The following PRRC2C variants were observed in gnomAD, a reference collection of about 807,000 sequenced individuals.
PRRC2C encodes the protein proline rich coiled-coil 2C, also known as protein PRRC2C.
A neutral mutation model predicts 317.2 loss-of-function variants in PRRC2C; 72 were observed. The ratio of observed to expected loss-of-function variants is 0.23; its 90% CI spans 0.19 to 0.28. The LOEUF (loss-of-function observed/expected upper bound fraction) is 0.28. Among genes scored for constraint, PRRC2C ranks in the 10% least tolerant of loss-of-function variants. The pLI is 1.00. For missense variants in PRRC2C, 3,074 were observed against 3,459.7 expected (o/e 0.89, Z 2.80); for synonymous variants, 1,296 against 1,205.9 (o/e 1.07, Z -1.55).
Position 171,557,589 on chromosome 1 carries a change from C to T in PRRC2C, c.5477C>T (p.Ser1826Leu). The T allele has an allele frequency of 6.4e-7, 1 of 1,551,716 alleles. No homozygotes were observed. The change falls in exon 19 of 35, where the codon TCA (serine) becomes TTA (leucine). Residue 1826 changes from serine to leucine, a missense_variant. By Grantham distance (145) the Ser-to-Leu change is moderately radical (BLOSUM62 -2). Transcript: ENST00000647382. ...TCAGCTTCAGTTCCAGCCTCTACTTCAGCTGCAGCTATAACCTCTTCTTCA... is the reference window on the plus strand; with the variant it reads ...TCAGCTTCAGTTCCAGCCTCTACTTTAGCTGCAGCTATAACCTCTTCTTCA... Reference protein sequence around the residue: ...SVSASVPASTSAAAITSSSAP... With the variant: ...SVSASVPASTLAAAITSSSAP...
At chr1:171,500,849 A>C (rs984496474) in intron 1 of PRRC2C, among the ~76,000 whole-genome samples, 2 of 152,084 alleles carry the variant, frequency 1.3e-5, no homozygotes, top group East Asian at 1.9e-4. Flanking sequence ...AAACTGTTAC[A>C]AGGTAATATT....
At chr1:171,491,429 A>G (rs1259547429) in intron 1 of PRRC2C, among the ~76,000 whole-genome samples, 1 of 152,172 alleles carries the variant, frequency 6.6e-6, no homozygotes, top group African/African-American at 2.4e-5. Context: ...CTGTGCCTCC[A>G]CTTCTCTCTC....
intron 31 of PRRC2C, 78 bp from the exon 32 acceptor site, chr1:171,587,570 C>A: frequency 1.0e-6 from 1 of 980,184 alleles, no homozygotes; most frequent in Non-Finnish European, 1.5e-6. Context: ...ATTACGTCTT[C>A]ACGTATAGGA....
chr1:171,554,788 C>T (rs1026640780), intron 18 of PRRC2C, among the ~76,000 whole-genome samples: 3 of 152,140 alleles, frequency 2.0e-5, no homozygotes, highest in African/African-American at 7.2e-5. Flanking sequence ...TGAATATTGG[C>T]CCCCACTCTC....
At chr1:171,554,820 C>T (rs1019503340) in intron 18 of PRRC2C, among the ~76,000 whole-genome samples, 4 of 152,210 alleles carry the variant, frequency 2.6e-5, no homozygotes, top group African/African-American at 4.8e-5. Flanking sequence ...AGAGTTTCTG[C>T]CGAGAGATCA....
intron 1 of PRRC2C, among the ~76,000 whole-genome samples, chr1:171,509,110 C>T (rs748685980): frequency 1.9e-4 from 29 of 152,204 alleles, no homozygotes; most frequent in South Asian, 1.2e-3. Flanking sequence ...TGGTCTCGAT[C>T]TCCTGACCTC....
intron 25 of PRRC2C, among the ~76,000 whole-genome samples, chr1:171,576,370 C>T (rs1685696687): frequency 6.6e-6 from 1 of 152,154 alleles, no homozygotes; most frequent in African/African-American, 2.4e-5. Context: ...GCCCTTATTG[C>T]CTAGTCATCC....
chr1:171,551,162 A>G (rs529688270), intron 18 of PRRC2C, among the ~76,000 whole-genome samples: 3 of 152,272 alleles, frequency 2.0e-5, no homozygotes, highest in East Asian at 1.9e-4. Context: ...TTGCCATTCT[A>G]ACTGGTGTGA....
chr1:171,527,716 A>G, intron 10 of PRRC2C, 75 bp from the exon 11 acceptor site: 2 of 1,265,208 alleles, frequency 1.6e-6, no homozygotes, highest in Non-Finnish European at 2.2e-6. Flanking sequence ...AGATCATGCC[A>G]CTGCACTCCA....
At position 171,551,070 on chromosome 1, in the gene PRRC2C, T is replaced by C. The variant is rs146495926; in HGVS notation, c.5127+830T>C. 4.4e-3 allele frequency among the ~76,000 whole-genome samples: 669 copies of C among 152,292 alleles called. 6 individuals carry two copies. Among genetic ancestry groups the C allele is most frequent in the African/African-American group, 0.015 (641 of 41,552 alleles). ...TGTCTTCCACAATGGTTGAACTAGT[T>C]TACACTCCCACCAGCAGTGTAAAAG... On this transcript the variant is annotated intron_variant, in intron 18 of 34. Coordinates refer to ENST00000647382, the MANE Select transcript of PRRC2C (RefSeq NM_001387844.1).
At chr1:171,493,495 G>C (rs1257316557) in intron 1 of PRRC2C, among the ~76,000 whole-genome samples, 1 of 152,146 alleles carries the variant, frequency 6.6e-6, no homozygotes, top group Non-Finnish European at 1.5e-5. Context: ...TGTTGAAAAG[G>C]AAAATAATAA....
intron 9 of PRRC2C, among the ~76,000 whole-genome samples, chr1:171,524,000 C>A (rs1387401438): frequency 2.0e-5 from 3 of 151,542 alleles, no homozygotes; most frequent in Admixed American, 6.6e-5. Context: ...CATGCCACTG[C>A]ACTCCAGTCT....
chr1:171,518,936 G>A (rs1571736665), intron 6 of PRRC2C, among the ~76,000 whole-genome samples: 1 of 149,154 alleles, frequency 6.7e-6, no homozygotes. Context: ...AGGCTGGAGT[G>A]CAGTGGCATG....
chr1:171,579,741 A>G (rs1648083556), intron 27 of PRRC2C, 87 bp from the exon 28 acceptor site: 8 of 1,403,804 alleles, frequency 5.7e-6, no homozygotes, highest in Non-Finnish European at 6.6e-6. Flanking sequence ...TACTCTTTTC[A>G]TGTCTCAAAT....
intron 1 of PRRC2C, among the ~76,000 whole-genome samples, chr1:171,496,362 C>G (rs192928017): frequency 5.8e-4 from 88 of 151,944 alleles, no homozygotes; most frequent in African/African-American, 2.1e-3. Context: ...GCCACCACAC[C>G]CAGCTAATTT....
intron 26 of PRRC2C, 135 bp downstream of exon 26, chr1:171,577,772 T>TA (rs377281015): frequency 0.098 from 27,338 of 278,914 alleles, 220 homozygotes; most frequent in East Asian, 0.14. Flanking sequence ...TAAATTCGCA[T>TA]TTTTTTTTTT....
intron 15 of PRRC2C, among the ~76,000 whole-genome samples, chr1:171,537,983 C>T (rs903299765): frequency 1.3e-5 from 2 of 152,176 alleles, no homozygotes; most frequent in Admixed American, 6.5e-5. Context: ...TCACTGCAAG[C>T]TCTGCCTCCC....
At chr1:171,498,260 C>G (rs537967461) in intron 1 of PRRC2C, among the ~76,000 whole-genome samples, 28 of 152,272 alleles carry the variant, frequency 1.8e-4, no homozygotes, top group African/African-American at 6.7e-4. Flanking sequence ...ATGCCTGAGA[C>G]TGGGTAACTT....
At chr1:171,502,799 C>G (rs991384604) in intron 1 of PRRC2C, among the ~76,000 whole-genome samples, 2 of 152,186 alleles carry the variant, frequency 1.3e-5, no homozygotes, top group Admixed American at 1.3e-4. Context: ...TCTTGGCTCA[C>G]TGCAACCTCC....
Sources: allele counts gnomAD v4.1 joint callset (sites outside exome capture counted in the v4.1 genomes callset), GRCh38; gene constraint gnomAD v4.1.1; transcripts MANE v1.5; gene names NCBI Gene and HGNC (gene_info 2026-07-23, HGNC 2026-07-21).